FOXN3: variants seen among roughly 807,000 people sequenced by gnomAD.
FOXN3 encodes forkhead box N3, also known as forkhead box protein N3.
FOXN3 carries 7 observed loss-of-function variants against 38.4 expected under a neutral mutation model. The observed-to-expected ratio is 0.18, with a 90% CI of 0.10 to 0.34. FOXN3 has a LOEUF of 0.34. Ranked by LOEUF, FOXN3 falls within the 10% of genes least tolerant of loss-of-function variation. FOXN3 has a pLI of 1.00. For missense variants in FOXN3, 456 were observed against 613.4 expected, an observed-to-expected ratio of 0.74 and a Z score of 2.71; for synonymous variants, 230 against 242.2, an observed-to-expected ratio of 0.95 and a Z score of 0.47.
chr14:89,499,346 C>G (rs1040109239), intron 1 of FOXN3, among the ~76,000 whole-genome samples: 1 of 152,068 alleles, frequency 6.6e-6, no homozygotes, highest in African/African-American at 2.4e-5. Context: ...ACTGAAGTGC[C>G]GACTTTTGGA....
chr14:89,243,402 T>C (rs1319012405), intron 4 of FOXN3, among the ~76,000 whole-genome samples: 6 of 152,210 alleles, frequency 3.9e-5, no homozygotes, highest in African/African-American at 1.4e-4. Flanking sequence ...AGGATGCGCC[T>C]GCCCGATGCA....
rs550320330 is a variant in FOXN3 at position 89,545,402 on chromosome 14, G to A, written c.-15+73626C>T. On this transcript the variant is annotated intron_variant, in intron 1 of 6. Transcript: ENST00000345097. ...TCGTGCCCACATGTCTAAGAGTGTC[G>A]GGTGAAACCAAACTGTGCCTACTGG... Among the ~76,000 whole-genome samples, 9 of 152,306 alleles carry A rather than the reference G, an allele frequency of 5.9e-5. No individual in the cohort carries two copies. In the East Asian group the frequency reaches 9.6e-4, roughly 16 times the overall value.
intron 4 of FOXN3, among the ~76,000 whole-genome samples, chr14:89,232,750 A>G (rs1884854417): frequency 6.6e-6 from 1 of 152,232 alleles, no homozygotes; most frequent in South Asian, 2.1e-4. Context: ...CTTACGAGAC[A>G]TAATTTGAGG....
intron 1 of FOXN3, among the ~76,000 whole-genome samples, chr14:89,430,471 G>A (rs1892131884): frequency 6.6e-6 from 1 of 152,058 alleles, no homozygotes. Flanking sequence ...GACTACTTTC[G>A]GTTTCCTGTT....
At chr14:89,491,644 A>G (rs558363456) in intron 1 of FOXN3, among the ~76,000 whole-genome samples, 1 of 152,280 alleles carries the variant, frequency 6.6e-6, no homozygotes, top group Admixed American at 6.5e-5. Flanking sequence ...GAATCTTCAG[A>G]AGTTCTGGGC....
At position 89,305,620 on chromosome 14, in the gene FOXN3, ATT is replaced by A. The variant is rs1196171310; in HGVS notation, c.681-24608_681-24607del. Among the ~76,000 whole-genome samples the A allele has an allele frequency of 2.0e-5, 3 of 152,350 alleles. No individual in the cohort carries two copies. The East Asian group carries it at 5.8e-4, about 29-fold the overall frequency. On this transcript the variant is annotated intron_variant, in intron 3 of 5. Coordinates refer to ENST00000557258, the MANE Select transcript of FOXN3 (RefSeq NM_005197.4). ...TGTTTTGTTGGCCCCTAATACCACG[ATT>A]AGCTGTTGCCAGGCAACCATGAAGC... is the stretch of plus-strand genomic sequence containing the variant.
intron 5 of FOXN3, among the ~76,000 whole-genome samples, chr14:89,174,834 C>A (rs972147806): frequency 9.2e-5 from 14 of 152,170 alleles, no homozygotes; most frequent in African/African-American, 2.9e-4. Flanking sequence ...CTCTTCTCCT[C>A]CCACTACAAA....
chr14:89,491,554 A>C (rs1173271857), intron 1 of FOXN3, among the ~76,000 whole-genome samples: 4 of 152,208 alleles, frequency 2.6e-5, no homozygotes, highest in Non-Finnish European at 5.9e-5. Flanking sequence ...AAGGAAAAGA[A>C]AACACAGTGA....
chr14:89,192,539 A>T (rs1007001985), intron 4 of FOXN3, among the ~76,000 whole-genome samples: 1 of 122,542 alleles, frequency 8.2e-6, no homozygotes, highest in South Asian at 2.6e-4. Context: ...GTTGTATATA[A>T]CTTTATAACA....
At chr14:89,565,616 A>G (rs972616855) in intron 1 of FOXN3, among the ~76,000 whole-genome samples, 3 of 152,166 alleles carry the variant, frequency 2.0e-5, no homozygotes, top group Admixed American at 2.0e-4. Flanking sequence ...CTAGGATTCT[A>G]TCACATCATA....
intron 4 of FOXN3, among the ~76,000 whole-genome samples, chr14:89,242,474 A>G (rs1885169135): frequency 6.6e-6 from 1 of 152,168 alleles, no homozygotes; most frequent in Non-Finnish European, 1.5e-5. Context: ...AATTACTATA[A>G]AAATGCTGAA....
intron 4 of FOXN3, among the ~76,000 whole-genome samples, chr14:89,249,186 C>T (rs1412303995): frequency 2.0e-5 from 3 of 152,226 alleles, no homozygotes; most frequent in Admixed American, 1.3e-4. Context: ...AGCTTGCCAA[C>T]AGTGGAAAGG....
chr14:89,339,126 C>T (rs1888544343), intron 3 of FOXN3, among the ~76,000 whole-genome samples: 1 of 152,140 alleles, frequency 6.6e-6, no homozygotes, highest in Non-Finnish European at 1.5e-5. Flanking sequence ...GTGCCTGCCA[C>T]CATACCCAGC....
intron 3 of FOXN3, among the ~76,000 whole-genome samples, chr14:89,292,485 T>A (rs1025803976): frequency 6.6e-6 from 1 of 152,264 alleles, no homozygotes. Context: ...GCCAAGGTGA[T>A]AGTGTTAAGA....
At chr14:89,232,499 T>C (rs992964673) in intron 4 of FOXN3, among the ~76,000 whole-genome samples, 8 of 152,234 alleles carry the variant, frequency 5.3e-5, no homozygotes, top group Admixed American at 4.6e-4. Context: ...AAGGATTATA[T>C]AACAAAGGTC....
At chr14:89,230,979 C>T (rs1293265670) in intron 4 of FOXN3, 1 of 404,020 alleles carries the variant, frequency 2.5e-6, no homozygotes, top group Non-Finnish European at 5.1e-6. Context: ...AGCACATAGC[C>T]ACTAGCTCTG....
At chr14:89,356,090 G>T (rs1385255246) in intron 2 of FOXN3, among the ~76,000 whole-genome samples, 1 of 151,882 alleles carries the variant, frequency 6.6e-6, no homozygotes, top group Non-Finnish European at 1.5e-5. Context: ...AAAAAAGTAT[G>T]ATTTTTAGAC....
intron 4 of FOXN3, among the ~76,000 whole-genome samples, chr14:89,242,540 G>GAAT (rs528925917): frequency 4.7e-4 from 71 of 151,966 alleles, no homozygotes; most frequent in African/African-American, 1.5e-3. Flanking sequence ...AAAGAGCTAT[G>GAAT]AATAATAATA....
intron 4 of FOXN3, among the ~76,000 whole-genome samples, chr14:89,227,871 C>T (rs562900761): frequency 6.6e-6 from 1 of 152,360 alleles, no homozygotes; most frequent in South Asian, 2.1e-4. Flanking sequence ...GTCCTAACAA[C>T]TGCAAGGCAC....
Sources: allele counts gnomAD v4.1 joint callset (sites outside exome capture counted in the v4.1 genomes callset), GRCh38; gene constraint gnomAD v4.1.1; transcripts MANE v1.5; gene names NCBI Gene and HGNC (gene_info 2026-07-23, HGNC 2026-07-21).